ZNF138: variants seen among roughly 807,000 people sequenced by gnomAD.
The protein encoded by ZNF138 is zinc finger protein 138 (clone pHZ-32).
In ZNF138, 33 loss-of-function variants were observed where a neutral mutation model predicts 33.0. The observed-to-expected ratio is 1.00, with a 90% CI of 0.76 to 1.34. The LOEUF (loss-of-function observed/expected upper bound fraction) is 1.34, where lower values mean the gene tolerates loss of function less well. Ranked by LOEUF, ZNF138 falls within the 40% of genes most tolerant of loss-of-function variation. The probability of loss-of-function intolerance (pLI) is 0.00; values close to 1 mark genes in which losing one functional copy is unlikely to be tolerated. For missense variants in ZNF138, 360 were observed against 370.8 expected (o/e 0.97, Z 0.24); for synonymous variants, 139 against 120.4 (o/e 1.15, Z -1.01).
chr7:64,831,090 T>A, intron 3 of ZNF138: 1 of 1,548,854 alleles, frequency 6.5e-7, no homozygotes, highest in East Asian at 2.4e-5. Flanking sequence ...TGTGTTATTA[T>A]TTCTCTTGCC....
chr7:64,834,799 T>G (rs570579852), downstream of ZNF138, among the ~76,000 whole-genome samples: 18 of 152,338 alleles, frequency 1.2e-4, no homozygotes, highest in Admixed American at 7.2e-4. Context: ...CAGAGTAGTA[T>G]TCTGCGTTAT....
intron 3 of ZNF138, 92 bp downstream of exon 3, chr7:64,815,745 T>A: frequency 8.3e-7 from 1 of 1,205,044 alleles, no homozygotes; most frequent in Non-Finnish European, 1.2e-6. Flanking sequence ...AAATCTGTAT[T>A]CCAAAGGAAA....
At chr7:64,814,242 T>A in intron 1 of ZNF138, 1 of 626,564 alleles carries the variant, frequency 1.6e-6, no homozygotes, top group Non-Finnish European at 2.1e-6. Context: ...TTGTACACAT[T>A]AAAACTTGAG....
the ZNF138 span, among the ~76,000 whole-genome samples, chr7:64,848,834 A>G: frequency 0.42 from 64,144 of 151,018 alleles, 13,851 homozygotes; most frequent in Non-Finnish European, 0.46. Context: ...CCTCCTGAGT[A>G]GCTGGGACTA....
At chr7:64,839,725 G>A in the ZNF138 span, among the ~76,000 whole-genome samples, 5 of 152,154 alleles carry the variant, frequency 3.3e-5, no homozygotes, top group African/African-American at 7.2e-5. Flanking sequence ...TGACCTGACT[G>A]AGGGAGAGGC....
At chr7:64,826,131 T>A (rs1482670389) in intron 3 of ZNF138, among the ~76,000 whole-genome samples, 6 of 152,270 alleles carry the variant, frequency 3.9e-5, no homozygotes, top group Non-Finnish European at 7.4e-5. Context: ...TATTGAATAG[T>A]TTAATTTATA....
intron 3 of ZNF138, among the ~76,000 whole-genome samples, chr7:64,817,714 A>G (rs1211368281): frequency 1.3e-5 from 2 of 152,084 alleles, no homozygotes; most frequent in Non-Finnish European, 2.9e-5. Context: ...AAAATAGGGC[A>G]TCTTTTATAT....
intron 3 of ZNF138, among the ~76,000 whole-genome samples, chr7:64,824,124 C>T (rs4518551): frequency 0.69 from 105,402 of 152,050 alleles, 37,128 homozygotes; most frequent in East Asian, 0.85. Flanking sequence ...GCAATATAAT[C>T]CTCAGTGTTG....
At chr7:64,802,372 GTTGA>G (rs539255643) in intron 1 of ZNF138, among the ~76,000 whole-genome samples, 1 of 152,138 alleles carries the variant, frequency 6.6e-6, no homozygotes, top group African/African-American at 2.4e-5. Context: ...CTGGCTCTTA[GTTGA>G]TTGATTATCT....
At chr7:64,852,890 G>A in the ZNF138 span, 47 of 985,408 alleles carry the variant, frequency 4.8e-5, no homozygotes, top group Admixed American at 1.9e-4. Flanking sequence ...CATTACAGAC[G>A]TTTCTGCCTC....
intron 1 of ZNF138, among the ~76,000 whole-genome samples, chr7:64,808,839 G>T (rs557376206): frequency 7.5e-6 from 1 of 134,026 alleles, no homozygotes; most frequent in African/African-American, 2.5e-5. Flanking sequence ...ATCTTGCACC[G>T]CCCTTAATCC....
At position 64,832,299 on chromosome 7, in the gene ZNF138, CAT is replaced by C; in HGVS notation, c.*99_*100del. Reference sequence around the variant, plus strand: ...TAACCAGTTTTCAACCCTTATTACACATAAGATAATTCATAGCGGAGAGAAAC... The same window carrying C: ...TAACCAGTTTTCAACCCTTATTACACAAGATAATTCATAGCGGAGAGAAAC... On this transcript the variant is annotated 3_prime_UTR_variant, in exon 4 of 4. Coordinates refer to ENST00000307355, the MANE Select transcript of ZNF138 (RefSeq NM_001271639.2). 2 of 1,585,100 alleles carry C rather than the reference CAT, an allele frequency of 1.3e-6. No homozygotes were observed. The highest frequency in any genetic ancestry group is 2.3e-5 in the South Asian group (2 of 86,596).
intron 1 of ZNF138, among the ~76,000 whole-genome samples, chr7:64,806,256 A>G (rs1230448924): frequency 1.3e-5 from 2 of 152,186 alleles, no homozygotes; most frequent in African/African-American, 2.4e-5. Context: ...GTCTCTGCCT[A>G]TTTTGTATCT....
chr7:64,860,158 A>G, the ZNF138 span, among the ~76,000 whole-genome samples: 1 of 152,260 alleles, frequency 6.6e-6, no homozygotes, highest in African/African-American at 2.4e-5. Context: ...TTATACAATT[A>G]TAACATCCTA....
the ZNF138 span, among the ~76,000 whole-genome samples, chr7:64,858,126 A>G: frequency 6.6e-6 from 1 of 152,218 alleles, no homozygotes; most frequent in African/African-American, 2.4e-5. Flanking sequence ...ATTTTGCCAC[A>G]AGCATTTTAT....
chr7:64,850,746 C>A, the ZNF138 span, among the ~76,000 whole-genome samples: 34 of 152,222 alleles, frequency 2.2e-4, no homozygotes, highest in East Asian at 6.6e-3. Flanking sequence ...AAAATTAAAG[C>A]AGTTAATACA....
rs1787845967 is a variant in ZNF138 at position 64,809,004 on chromosome 7, A to G, written c.4-5914A>G. Among the ~76,000 whole-genome samples, 6 of 130,990 alleles carry G rather than the reference A, an allele frequency of 4.6e-5. No individual in the cohort carries two copies. The South Asian group carries it at 1.6e-3, about 36-fold the overall frequency. The allele number at this position is 130,990 out of a possible 152,430, so 85.9% of individuals were successfully genotyped here. ...TACTTCTTTCTACACAGACACGGCA[A>G]CCATCCGATTTCTCAATCTTTTCCC... On this transcript the variant is annotated intron_variant, in intron 1 of 3. Transcript: ENST00000307355.
chr7:64,853,182 G>A, the ZNF138 span: 2 of 1,586,376 alleles, frequency 1.3e-6, no homozygotes, highest in Non-Finnish European at 8.7e-7. Context: ...TGGCATAAAG[G>A]CTCCCAGAAA....
At position 64,794,454 on chromosome 7, in the gene ZNF138, C is replaced by G. The variant is rs1583750400; in HGVS notation, c.-115C>G. ...TCTCGCTGCAGCGGGTGCTGCAGGT[C>G]TGGCCTTCACTTTTCTGCGTCCTCT... On this transcript the variant is annotated 5_prime_UTR_variant, in exon 1 of 4. Coordinates refer to ENST00000307355, the MANE Select transcript of ZNF138 (RefSeq NM_001271639.2). The G allele has an allele frequency of 1.5e-6, 2 of 1,361,516 alleles. No individual in the cohort carries two copies. Among genetic ancestry groups the G allele is most frequent in the Non-Finnish European group, 2.0e-6 (2 of 1,018,102 alleles). The allele number at this position is 1,361,516 out of a possible 1,614,324, so 84.3% of individuals were successfully genotyped here.
Sources: gnomAD v4.1 joint callset for allele counts (sites outside exome capture counted in the v4.1 genomes callset) on GRCh38, gnomAD v4.1.1 for gene constraint, MANE v1.5 for transcripts, NCBI Gene and HGNC (gene_info 2026-07-23, HGNC 2026-07-21) for gene names.